CARD8: variants seen among roughly 807,000 people sequenced by gnomAD.
CARD8 encodes the protein caspase recruitment domain-containing protein 8.
Under a neutral mutation model 53.2 loss-of-function variants are expected in CARD8, and 38 were observed. The ratio of observed to expected loss-of-function variants is 0.71; its 90% CI spans 0.55 to 0.94. CARD8 has a LOEUF of 0.94. Ranked by LOEUF, CARD8 falls within the 40% of genes least tolerant of loss-of-function variation. The pLI is 0.00. For missense variants in CARD8, 561 were observed against 655.5 expected, an observed-to-expected ratio of 0.86 and a Z score of 1.57; for synonymous variants, 245 against 244.9, an observed-to-expected ratio of 1.00 and a Z score of 0.00.
chr19:48,218,960 A>C lies in CARD8; in HGVS notation c.1214T>G (p.Phe405Cys), dbSNP rs776622246. 6 of 1,613,848 alleles carry C rather than the reference A, an allele frequency of 3.7e-6. No homozygotes were observed. Among genetic ancestry groups the C allele is most frequent in the Non-Finnish European group, 5.1e-6 (6 of 1,179,836 alleles). Residue 405 changes from phenylalanine to cysteine, a missense_variant, in exon 12 of 14, where the codon TTC (phenylalanine) becomes TGC (cysteine). Physicochemically the swap from Phe to Cys is radical, Grantham distance 205 (BLOSUM62 -2). Transcript: ENST00000651546. ...SPGEIQHFSK[F>C]YAGQMKEPIQ... The stretch of plus-strand genomic sequence containing the variant: ...GGGTTCCTTCATCTGCCCAGCATAG[A>C]ATTTTGAGAAGTGCTGAATTTCTCC...
chr19:48,204,367 T>C (rs1422736221), downstream of CARD8: 2 of 343,794 alleles, frequency 5.8e-6, no homozygotes. Context: ...TGGGGTGATA[T>C]TAGGGGAAAT....
chr19:48,250,248 A>C (rs1568953361), intron 1 of CARD8, among the ~76,000 whole-genome samples: 1 of 152,202 alleles, frequency 6.6e-6, no homozygotes, highest in Non-Finnish European at 1.5e-5. Context: ...AGGAAGACAG[A>C]AATGGGGAGG....
At chr19:48,207,732 C>CTGTTTTTTTTGTTTT (rs2037423212), downstream of CARD8, among the ~76,000 whole-genome samples, 3 of 91,278 alleles carry the variant, frequency 3.3e-5, no homozygotes, top group South Asian at 8.4e-4. Context: ...TGTTGTTTTT[C>CTGTTTTTTTTGTTTT]TGTTTTTTTT....
intron 11 of CARD8, among the ~76,000 whole-genome samples, chr19:48,219,853 C>A (rs1299121486): frequency 6.6e-6 from 1 of 152,048 alleles, no homozygotes; most frequent in East Asian, 1.9e-4. Context: ...TGCCTGTAGT[C>A]CCAGCTACTC....
intron 5 of CARD8, among the ~76,000 whole-genome samples, chr19:48,237,985 G>A: frequency 6.6e-6 from 1 of 151,724 alleles, no homozygotes; most frequent in East Asian, 2.0e-4. Context: ...CCGCCTCCCA[G>A]GTTTGAGCAA....
At chr19:48,220,896 G>T (rs150581677) in intron 11 of CARD8, among the ~76,000 whole-genome samples, 45 of 149,690 alleles carry the variant, frequency 3.0e-4, no homozygotes, top group South Asian at 1.5e-3. Flanking sequence ...GGGCAACAGA[G>T]CGAGACTCCA....
rs1568782242 is a variant in CARD8 at position 48,230,496 on chromosome 19, T to A, written c.977A>T (p.His326Leu). Residue 326 changes from histidine to leucine, a missense_variant, in exon 10 of 14, where the codon CAC (histidine) becomes CTC (leucine). Transcript: ENST00000651546. Reference sequence around the variant, plus strand: ...CAAGTGGAACTTAATATCTTCGGGGTGGGGGTGATAATAGATCAATGTGTT... The same window carrying A: ...CAAGTGGAACTTAATATCTTCGGGGAGGGGGTGATAATAGATCAATGTGTT... ...TSNTLIYYHP[H>L]PEDIKFHLYL... 1.9e-6 allele frequency: 3 copies of A among 1,613,462 alleles called. No individual in the cohort carries two copies. The highest frequency in any genetic ancestry group is 2.5e-6 in the Non-Finnish European group (3 of 1,179,782).
In CARD8 at chr19:48,210,620, A is replaced by G. The variant is rs996917318; in HGVS notation, c.*1090T>C. ...GTGCCTAGATTCCACTTTAAGTGGTACAAATGTGATAACAGTAGAATAGAA... is the reference window on the plus strand; with the variant it reads ...GTGCCTAGATTCCACTTTAAGTGGTGCAAATGTGATAACAGTAGAATAGAA... On this transcript the variant is annotated 3_prime_UTR_variant, in exon 14 of 14. Transcript: ENST00000651546. 2 of 152,200 alleles carry G rather than the reference A, an allele frequency of 1.3e-5. No homozygotes were observed. The highest frequency in any genetic ancestry group is 6.5e-5 in the Admixed American group (1 of 15,280). 9.4% of individuals were successfully genotyped at this position (152,200 alleles called of 1,614,324 possible). A position where few individuals can be genotyped will look rare whatever the true frequency, so the allele number is the denominator to read the frequency against.
chr19:48,214,403 G>C (rs1230815751), intron 13 of CARD8, among the ~76,000 whole-genome samples: 1 of 152,220 alleles, frequency 6.6e-6, no homozygotes, highest in East Asian at 1.9e-4. Flanking sequence ...GTGATCAGCA[G>C]CTTCCCAATA....
chr19:48,222,171 T>C (rs1291625904), intron 10 of CARD8, among the ~76,000 whole-genome samples: 2 of 152,232 alleles, frequency 1.3e-5, no homozygotes, highest in Non-Finnish European at 2.9e-5. Flanking sequence ...AAAGATTGGC[T>C]GCGTACTTAT....
At chr19:48,229,000 G>A (rs931523801) in intron 10 of CARD8, among the ~76,000 whole-genome samples, 10 of 152,100 alleles carry the variant, frequency 6.6e-5, no homozygotes, top group African/African-American at 1.9e-4. Flanking sequence ...TTACCAGGAC[G>A]TGGTGGCACA....
intron 3 of CARD8, among the ~76,000 whole-genome samples, chr19:48,242,309 G>A (rs1178258268): frequency 6.6e-6 from 1 of 152,118 alleles, no homozygotes; most frequent in Non-Finnish European, 1.5e-5. Context: ...GAACAAGGAA[G>A]CAGGTCCTCT....
chr19:48,253,064 G>A lies in CARD8; in HGVS notation c.-252+2728C>T, dbSNP rs142677365. On this transcript the variant is annotated intron_variant, in intron 1 of 13. Transcript: ENST00000651546. Reference sequence around the variant, plus strand: ...TTTAATGGGTTGGACATACATCCATGATCTAAACAGATAAAACATAATAGC... The same window carrying A: ...TTTAATGGGTTGGACATACATCCATAATCTAAACAGATAAAACATAATAGC... Among the ~76,000 whole-genome samples, 104 of 152,190 alleles carry A rather than the reference G, an allele frequency of 6.8e-4. No individual in the cohort carries two copies. The Middle Eastern group carries it at 0.01, about 15-fold the overall frequency.
intron 10 of CARD8, among the ~76,000 whole-genome samples, chr19:48,225,598 C>CA (rs1191620115): frequency 6.6e-6 from 1 of 152,094 alleles, no homozygotes; most frequent in African/African-American, 2.4e-5. Context: ...GAAAGATGAG[C>CA]AGGAGCCAGT....
rs778794766 is a variant in CARD8, at chr19:48,230,817, AG to A, written c.731del (p.Ala244ValfsTer55). Reference protein sequence around the residue: ...LFDVTAEPEEAVAEIHLPHFI... With the variant: ...LFDVTAEPEEXVAEIHLPHFI... ...AGTGGGGGAGGTGGATTTCGGCGAC[AG>A]CCTCCTCTGGCTCTGCAGTGACATC... On this transcript the variant is annotated frameshift_variant, in exon 9 of 14. Transcript: ENST00000651546. LOFTEE classifies it high-confidence loss of function. The A allele has an allele frequency of 1.9e-6, 3 of 1,614,210 alleles. No individual in the cohort carries two copies. In the East Asian group the frequency reaches 6.7e-5, roughly 36 times the overall value.
chr19:48,210,340 T>C lies in CARD8; in HGVS notation c.*1370A>G, dbSNP rs1464124355. On this transcript the variant is annotated 3_prime_UTR_variant, in exon 14 of 14. Transcript: ENST00000651546. ...CCTATCAGAACCACTCTAAAAGAAC[T>C]AAAAAACGTCTATCAGAGGAAGTGG... is the stretch of plus-strand genomic sequence containing the variant. 1 of 151,952 alleles carries C rather than the reference T, an allele frequency of 6.6e-6. No homozygotes were observed. The highest frequency in any genetic ancestry group is 1.5e-5 in the Non-Finnish European group (1 of 67,966). 9.4% of individuals were successfully genotyped at this position (151,952 alleles called of 1,614,324 possible). A position where few individuals can be genotyped will look rare whatever the true frequency, so the allele number is the denominator to read the frequency against.
At chr19:48,245,790 T>C (rs1208642013) in intron 3 of CARD8, among the ~76,000 whole-genome samples, 1 of 148,560 alleles carries the variant, frequency 6.7e-6, no homozygotes, top group Non-Finnish European at 1.5e-5. Context: ...AAATAACTAA[T>C]TTATTGTATT....
At position 48,228,996 on chromosome 19, in the gene CARD8, G is replaced by T. The variant is rs531120669; in HGVS notation, c.1035+1442C>A. On this transcript the variant is annotated intron_variant, in intron 10 of 13. Transcript: ENST00000651546. ...TCTACTGAAAATACAAAAATTACCA[G>T]GACGTGGTGGCACACATCCGTAATC... Among the ~76,000 whole-genome samples, 140 of 152,190 alleles carry T rather than the reference G, an allele frequency of 9.2e-4. No individual in the cohort carries two copies. In the Middle Eastern group the frequency reaches 0.01, roughly 11 times the overall value.
intron 5 of CARD8, 125 bp downstream of exon 5, chr19:48,238,258 A>G: frequency 1.4e-6 from 2 of 1,396,498 alleles, no homozygotes; most frequent in Non-Finnish European, 1.9e-6. Flanking sequence ...CAAAGAAGAA[A>G]AGTAACATAT....
Sources: gnomAD v4.1 joint callset for allele counts (sites outside exome capture counted in the v4.1 genomes callset) on GRCh38, gnomAD v4.1.1 for gene constraint, MANE v1.5 for transcripts, NCBI Gene and HGNC (gene_info 2026-07-23, HGNC 2026-07-21) for gene names.